The following AGAP1 variants were observed in gnomAD, a reference collection of about 807,000 sequenced individuals.
AGAP1 encodes the protein arf-GAP with GTPase, ANK repeat and PH domain-containing protein 1.
Under a neutral mutation model 105.3 loss-of-function variants are expected in AGAP1, and 29 were observed. That is an observed-to-expected ratio of 0.28 (90% CI 0.21 to 0.38). AGAP1 has a LOEUF of 0.38. AGAP1 is among the 10% of genes least tolerant of loss of function. The pLI, the probability that AGAP1 is intolerant of heterozygous loss-of-function variation, is 1.00. For missense variants in AGAP1, 998 were observed against 1,165.1 expected (o/e 0.86, Z 2.09); for synonymous variants, 509 against 485.9 (o/e 1.05, Z -0.63).
In AGAP1 at chr2:235,495,579, G is replaced by A. The variant is rs575191721; in HGVS notation, c.163+730G>A. ...GTGGAGGGTGCTGTGGTTTTAAGAG[G>A]GGCAGGATGCTTGGGCAGAATCCCC... On this transcript the variant is annotated intron_variant, in intron 1 of 17. Coordinates refer to ENST00000304032, the MANE Select transcript of AGAP1 (RefSeq NM_001037131.3). Among the ~76,000 whole-genome samples the A allele has an allele frequency of 8.5e-4, 129 of 152,340 alleles. 1 individual carries two copies. In the South Asian group the frequency reaches 0.011, roughly 13 times the overall value.
chr2:235,727,360 G>A lies in AGAP1; in HGVS notation c.310+9716G>A, dbSNP rs910562090. Among the ~76,000 whole-genome samples, 9 of 152,068 alleles carry A rather than the reference G, an allele frequency of 5.9e-5. No homozygotes were observed. In the East Asian group the frequency reaches 1.5e-3, roughly 26 times the overall value. Reference sequence around the variant, plus strand: ...TGGGGCTGGGGGGAGGGGGTGTTGTGCAATGCAGTTCTCTTTCCTAATTCA... The same window carrying A: ...TGGGGCTGGGGGGAGGGGGTGTTGTACAATGCAGTTCTCTTTCCTAATTCA... On this transcript the variant is annotated intron_variant, in intron 3 of 17. Transcript: ENST00000304032.
intron 1 of AGAP1, among the ~76,000 whole-genome samples, chr2:235,528,633 T>C: frequency 6.6e-6 from 1 of 152,270 alleles, no homozygotes; most frequent in African/African-American, 2.4e-5. Context: ...TAGGAGACCA[T>C]ACCTCTCCAG....
chr2:236,110,199 A>G (rs1295565677), intron 16 of AGAP1, among the ~76,000 whole-genome samples: 1 of 152,148 alleles, frequency 6.6e-6, no homozygotes, highest in Non-Finnish European at 1.5e-5. Context: ...GTAATTGTGT[A>G]AAAGGTTCAG....
intron 1 of AGAP1, among the ~76,000 whole-genome samples, chr2:235,589,161 T>A (rs1945230678): frequency 6.7e-6 from 1 of 150,184 alleles, no homozygotes; most frequent in African/African-American, 2.5e-5. Context: ...AAAAGGAGAT[T>A]TTGAGAACTA....
rs185989196 is a variant in AGAP1 at position 235,867,894 on chromosome 2, C to T, written c.1051-15451C>T. Among the ~76,000 whole-genome samples, 6 of 152,246 alleles carry T rather than the reference C, an allele frequency of 3.9e-5. No homozygotes were observed. The East Asian group carries it at 9.6e-4, about 24-fold the overall frequency. ...TCCACCCACCACCCACCCAGATGCGCTTCTCTAGTTTTATTGAGGTCAGTT... is the reference window on the plus strand; with the variant it reads ...TCCACCCACCACCCACCCAGATGCGTTTCTCTAGTTTTATTGAGGTCAGTT... On this transcript the variant is annotated intron_variant, in intron 9 of 17. Coordinates refer to ENST00000304032, the MANE Select transcript of AGAP1 (RefSeq NM_001037131.3). The surrounding 1 kb of genome is among the most constrained non-coding windows in gnomAD (Gnocchi z 5.4).
intron 1 of AGAP1, 22 bp from the exon 2 acceptor site, chr2:235,709,157 T>C (rs370078714): frequency 6.2e-7 from 1 of 1,613,680 alleles, no homozygotes; most frequent in Non-Finnish European, 8.5e-7. Context: ...GGTGTCTGAC[T>C]TTGTGTCCTC....
rs1319634964 is a variant in AGAP1, at chr2:236,082,832, C to T, written c.2114+33551C>T. Among the ~76,000 whole-genome samples the T allele has an allele frequency of 1.3e-5, 2 of 151,080 alleles. No homozygotes were observed. The highest frequency in any genetic ancestry group is 2.9e-5 in the Non-Finnish European group (2 of 67,804). The stretch of plus-strand genomic sequence containing the variant: ...GAGGTTGCAGTGAGCCGAGATTGCA[C>T]CCATTGCACTCCAGCCTGGAGGACA... On this transcript the variant is annotated intron_variant, in intron 16 of 17. Transcript: ENST00000304032. This position sits in a 1 kb window ranked among gnomAD's most constrained non-coding sequence, Gnocchi z 4.2.
rs111459279 is a variant in AGAP1 at position 236,058,697 on chromosome 2, A to G, written c.2114+9416A>G. Among the ~76,000 whole-genome samples the G allele has an allele frequency of 1.4e-4, 21 of 152,346 alleles. 2 individuals are homozygous for G. The highest frequency in any genetic ancestry group is 5.1e-4 in the African/African-American group (21 of 41,580). ...AAGAATGTCACCAGATCTGTTCAGC[A>G]TTATACTGGAGGTTCAAGCCAGGGA... On this transcript the variant is annotated intron_variant, in intron 16 of 17. Coordinates refer to ENST00000304032, the MANE Select transcript of AGAP1 (RefSeq NM_001037131.3). The surrounding 1 kb of genome is among the most constrained non-coding windows in gnomAD (Gnocchi z 4.6).
chr2:235,923,067 G>C (rs1019089859), intron 11 of AGAP1, among the ~76,000 whole-genome samples: 1 of 152,146 alleles, frequency 6.6e-6, no homozygotes, highest in Non-Finnish European at 1.5e-5. Context: ...CCTGCTAATC[G>C]GGGCGAGTAC....
intron 9 of AGAP1, among the ~76,000 whole-genome samples, chr2:235,836,055 A>G (rs1960117465): frequency 6.6e-6 from 1 of 152,192 alleles, no homozygotes; most frequent in Non-Finnish European, 1.5e-5. Context: ...CCTTCTTACT[A>G]ATTAACTGCT....
At position 236,040,831 on chromosome 2, in the gene AGAP1, C is replaced by T. The variant is rs368404140; in HGVS notation, c.1881C>T (p.Cys627=). ...NMRGNSHCVD[C]ETQNPNWASL... is the part of the protein sequence containing the mutation. The stretch of plus-strand genomic sequence containing the variant: ...GCGGGAACTCCCACTGTGTGGACTG[C>T]GAGACCCAGAGTAAGTGTGTGCGGT... The change falls in exon 15 of 18, where the codon TGC becomes TGT. Residue 627 remains cysteine (C), a synonymous_variant. Transcript: ENST00000304032. This position sits in a 1 kb window ranked among gnomAD's most constrained non-coding sequence, Gnocchi z 5.6. The T allele has an allele frequency of 6.8e-6, 11 of 1,614,012 alleles. No individual in the cohort carries two copies. The highest frequency in any genetic ancestry group is 4.0e-5 in the African/African-American group (3 of 74,920).
At chr2:236,086,987 T>G (rs113380529) in intron 16 of AGAP1, among the ~76,000 whole-genome samples, 29 of 151,862 alleles carry the variant, frequency 1.9e-4, no homozygotes, top group Non-Finnish European at 3.8e-4. Context: ...AAAAAAGTTT[T>G]GGCAAACACT....
At chr2:235,899,664 C>A (rs1364653877) in intron 10 of AGAP1, among the ~76,000 whole-genome samples, 1 of 152,112 alleles carries the variant, frequency 6.6e-6, no homozygotes, top group Non-Finnish European at 1.5e-5. Context: ...ACTATTGATC[C>A]AGTTGTTTCA....
chr2:235,946,256 T>C (rs534172438), intron 12 of AGAP1, among the ~76,000 whole-genome samples: 1 of 151,346 alleles, frequency 6.6e-6, no homozygotes, highest in Non-Finnish European at 1.5e-5. Context: ...TCCCCCAAAG[T>C]GGATTGGATC....
rs546942220 is a variant in AGAP1 at position 235,567,877 on chromosome 2, T to C, written c.163+73028T>C. On this transcript the variant is annotated intron_variant, in intron 1 of 17. Transcript: ENST00000304032. ...GGAAAGGGGGAAGGTGACAGTGGCC[T>C]CTCAATATGCGGAGGGGCTTGAAAA... Among the ~76,000 whole-genome samples the C allele has an allele frequency of 2.0e-5, 3 of 152,142 alleles. No homozygotes were observed. In the East Asian group the frequency reaches 5.8e-4, roughly 29 times the overall value.
Position 235,789,153 on chromosome 2 carries a change from A to G in AGAP1, c.674-8606A>G, listed in dbSNP as rs1003693610. Reference sequence around the variant, plus strand: ...TATACCAGAATTGGATACACATATTAAAAATGTCAAATACACCATATTTGT... The same window carrying G: ...TATACCAGAATTGGATACACATATTGAAAATGTCAAATACACCATATTTGT... On this transcript the variant is annotated intron_variant, in intron 6 of 17. Coordinates refer to ENST00000304032, the MANE Select transcript of AGAP1 (RefSeq NM_001037131.3). The surrounding 1 kb of genome is among the most constrained non-coding windows in gnomAD (Gnocchi z 4.2). Among the ~76,000 whole-genome samples the G allele has an allele frequency of 6.6e-6, 1 of 152,254 alleles. No homozygotes were observed. Among genetic ancestry groups the G allele is most frequent in the African/African-American group, 2.4e-5 (1 of 41,468 alleles).
Position 236,009,345 on chromosome 2 carries a change from C to T in AGAP1, c.1646-27216C>T, listed in dbSNP as rs926347157. Among the ~76,000 whole-genome samples, 2 of 152,166 alleles carry T rather than the reference C, an allele frequency of 1.3e-5. No homozygotes were observed. The highest frequency in any genetic ancestry group is 2.4e-5 in the African/African-American group (1 of 41,440). ...ACCGGGAGCACTAAACTGGAAGTGA[C>T]ACAAAACCACAGCAGAATCCGCTCA... On this transcript the variant is annotated intron_variant, in intron 13 of 17. Coordinates refer to ENST00000304032, the MANE Select transcript of AGAP1 (RefSeq NM_001037131.3). This position sits in a 1 kb window ranked among gnomAD's most constrained non-coding sequence, Gnocchi z 4.2.
At chr2:236,068,229 C>G (rs1009556425) in intron 16 of AGAP1, among the ~76,000 whole-genome samples, 1 of 152,014 alleles carries the variant, frequency 6.6e-6, no homozygotes, top group African/African-American at 2.4e-5. Context: ...CAAGATCACG[C>G]CACTACACTC....
intron 1 of AGAP1, among the ~76,000 whole-genome samples, chr2:235,545,255 C>T (rs759748506): frequency 3.9e-5 from 6 of 152,114 alleles, no homozygotes; most frequent in African/African-American, 7.2e-5. Flanking sequence ...TTGAAAATAG[C>T]GTTAAGTGTT....
Sources: gnomAD v4.1 joint callset for allele counts (sites outside exome capture counted in the v4.1 genomes callset) on GRCh38, gnomAD v4.1.1 for gene constraint, Gnocchi (gnomAD v3.1) non-coding constraint, MANE v1.5 for transcripts, NCBI Gene and HGNC (gene_info 2026-07-23, HGNC 2026-07-21) for gene names.